LEPR: variants seen among roughly 807,000 people sequenced by gnomAD.
The protein encoded by LEPR is leptin receptor.
Under a neutral mutation model 114.7 loss-of-function variants are expected in LEPR, and 56 were observed. The ratio of observed to expected loss-of-function variants is 0.49; its 90% confidence interval spans 0.39 to 0.61. The LOEUF is 0.61. LEPR is among the 20% of genes least tolerant of loss of function. LEPR has a pLI of 0.00. For synonymous variants in LEPR, 443 were observed against 461.4 expected (o/e 0.96, Z 0.51); for missense variants, 1,202 against 1,352.9 (o/e 0.89, Z 1.75).
chr1:65,463,900 C>T (rs570224524), intron 2 of LEPR, among the ~76,000 whole-genome samples: 1 of 152,282 alleles, frequency 6.6e-6, no homozygotes, highest in East Asian at 1.9e-4. Flanking sequence ...GTTGAAGTTG[C>T]TTATCAGCTT....
At chr1:65,595,559 A>T (rs1656009604) in intron 6 of LEPR, among the ~76,000 whole-genome samples, 1 of 152,136 alleles carries the variant, frequency 6.6e-6, no homozygotes, top group South Asian at 2.1e-4. Flanking sequence ...ACGTCTCATA[A>T]AGTAAAACCT....
chr1:65,568,699 A>G (rs1229490224), intron 3 of LEPR, among the ~76,000 whole-genome samples: 9 of 152,094 alleles, frequency 5.9e-5, no homozygotes. Flanking sequence ...TAGTAGTGGG[A>G]TTGCTGGATT....
At chr1:65,469,428 T>C (rs1647055874) in intron 2 of LEPR, among the ~76,000 whole-genome samples, 2 of 152,174 alleles carry the variant, frequency 1.3e-5, no homozygotes, top group South Asian at 4.1e-4. Context: ...CAGAAGTAGT[T>C]ATCAGGCTAG....
chr1:65,553,518 C>G (rs1288837213), intron 2 of LEPR, among the ~76,000 whole-genome samples: 1 of 151,928 alleles, frequency 6.6e-6, no homozygotes, highest in Non-Finnish European at 1.5e-5. Context: ...GCTATTGATA[C>G]CTGTGTATGC....
At chr1:65,491,070 A>G (rs1248140910) in intron 2 of LEPR, among the ~76,000 whole-genome samples, 1 of 152,122 alleles carries the variant, frequency 6.6e-6, no homozygotes, top group Non-Finnish European at 1.5e-5. Flanking sequence ...TCTTGAACAC[A>G]AGACTCCAAC....
chr1:65,608,387 C>A (rs374746877), intron 11 of LEPR, among the ~76,000 whole-genome samples: 1 of 152,000 alleles, frequency 6.6e-6, no homozygotes, highest in East Asian at 1.9e-4. Context: ...CCCGCCACCA[C>A]GCGTGGCTAA....
At chr1:65,503,917 T>G (rs1466634535) in intron 2 of LEPR, among the ~76,000 whole-genome samples, 1 of 151,878 alleles carries the variant, frequency 6.6e-6, no homozygotes, top group African/African-American at 2.4e-5. Context: ...TTTGTTCCAA[T>G]AAAAGGAACC....
intron 2 of LEPR, among the ~76,000 whole-genome samples, chr1:65,494,529 T>C (rs1179556271): frequency 6.6e-6 from 1 of 152,170 alleles, no homozygotes; most frequent in African/African-American, 2.4e-5. Flanking sequence ...AATTTTTCTT[T>C]GGTTTCTCAA....
At chr1:65,581,220 T>C (rs1654959687) in intron 5 of LEPR, among the ~76,000 whole-genome samples, 2 of 152,276 alleles carry the variant, frequency 1.3e-5, no homozygotes, top group East Asian at 1.9e-4. Flanking sequence ...ATAATCTCCA[T>C]GTCAAGAATC....
chr1:65,437,060 G>T (rs931447594), intron 2 of LEPR, among the ~76,000 whole-genome samples: 11 of 152,286 alleles, frequency 7.2e-5, no homozygotes, highest in African/African-American at 2.6e-4. Flanking sequence ...CATCCCTGCT[G>T]CAGCCTTGCC....
chr1:65,429,371 G>C (rs1646442550), intron 2 of LEPR, among the ~76,000 whole-genome samples: 1 of 152,086 alleles, frequency 6.6e-6, no homozygotes, highest in South Asian at 2.1e-4. Flanking sequence ...CAAATGAAGG[G>C]AAAAGAGTAC....
In LEPR at chr1:65,435,348, A is replaced by T. The variant is rs61779771; in HGVS notation, c.-21+9970A>T. On this transcript the variant is annotated intron_variant, in intron 2 of 19. Coordinates refer to ENST00000349533, the MANE Select transcript of LEPR (RefSeq NM_002303.6). ...AGGGAAATGCTTAGGTGGTGTCACA[A>T]AATGTGCCTTTTCTTTTCTTTTTTT... The T allele has an allele frequency of 4.4e-3, 4,309 of 976,466 alleles. 13 individuals carry two copies. Among genetic ancestry groups the T allele is most frequent in the Non-Finnish European group, 4.9e-3 (4,031 of 823,006 alleles). 60.5% of individuals were successfully genotyped at this position (976,466 alleles called of 1,614,324 possible). A position where few individuals can be genotyped will look rare whatever the true frequency, so the allele number is the denominator to read the frequency against.
chr1:65,567,060 T>TC (rs1216448677), intron 3 of LEPR, among the ~76,000 whole-genome samples: 4 of 152,222 alleles, frequency 2.6e-5, no homozygotes, highest in Non-Finnish European at 4.4e-5. Context: ...TCTGGTTTGA[T>TC]CAAGTTTTTG....
At chr1:65,457,568 T>C (rs1412573142) in intron 2 of LEPR, among the ~76,000 whole-genome samples, 1 of 152,192 alleles carries the variant, frequency 6.6e-6, no homozygotes, top group Admixed American at 6.5e-5. Context: ...TGCAATTTTG[T>C]TACACGCATA....
chr1:65,421,078 C>G (rs1646239740), intron 1 of LEPR, among the ~76,000 whole-genome samples: 1 of 152,230 alleles, frequency 6.6e-6, no homozygotes, highest in Admixed American at 6.5e-5. Context: ...GCCACCCTAA[C>G]GCCTTTCTTC....
At chr1:65,529,502 C>T (rs186428321) in intron 2 of LEPR, among the ~76,000 whole-genome samples, 270 of 120,268 alleles carry the variant, frequency 2.2e-3, no homozygotes, top group African/African-American at 8.3e-3. Context: ...GCCTGGGAGA[C>T]GAGTGAGACT....
At chr1:65,632,255 C>T (rs79896327) in intron 19 of LEPR, among the ~76,000 whole-genome samples, 2,387 of 152,160 alleles carry the variant, frequency 0.016, 29 homozygotes, top group South Asian at 0.026. Flanking sequence ...GGTGCATTTT[C>T]GAGTTAGAAG....
At chr1:65,542,297 G>A (rs916769344) in intron 2 of LEPR, among the ~76,000 whole-genome samples, 3 of 151,196 alleles carry the variant, frequency 2.0e-5, no homozygotes, top group Non-Finnish European at 1.5e-5. Context: ...ATTCCTAAGG[G>A]CTGTTTTTCT....
At chr1:65,450,322 T>A (rs1165863944) in intron 2 of LEPR, among the ~76,000 whole-genome samples, 2 of 151,754 alleles carry the variant, frequency 1.3e-5, no homozygotes, top group Non-Finnish European at 2.9e-5. Flanking sequence ...CATGTGCACA[T>A]TGTGCAGGTT....
Sources: gnomAD v4.1 joint callset for allele counts (sites outside exome capture counted in the v4.1 genomes callset) on GRCh38, gnomAD v4.1.1 for gene constraint, MANE v1.5 for transcripts, NCBI Gene and HGNC (gene_info 2026-07-23, HGNC 2026-07-21) for gene names.